Variants in SGPP2 observed in about 807,000 individuals in gnomAD.
SGPP2 encodes sphingosine 1-phosphate phosphohydrolase 2.
In SGPP2, 30 loss-of-function variants were observed where a neutral mutation model predicts 33.9. The ratio of observed to expected loss-of-function variants is 0.89; its 90% CI spans 0.66 to 1.20. SGPP2 has a LOEUF of 1.20. Among genes scored for constraint, SGPP2 ranks in the 50% most tolerant of loss-of-function variants. The pLI is 0.00. For missense variants in SGPP2, 458 were observed against 532.1 expected (o/e 0.86, Z 1.37); for synonymous variants, 233 against 225.0 (o/e 1.04, Z -0.32).
chr2:222,503,908 C>T (rs907505248), intron 2 of SGPP2: 3 of 152,076 alleles, frequency 2.0e-5, no homozygotes, highest in East Asian at 3.9e-4. Context: ...TAAGATAGAT[C>T]CCCCCAGTCA....
chr2:222,495,267 AG>A (rs1698262838), intron 2 of SGPP2, among the ~76,000 whole-genome samples: 1 of 152,036 alleles, frequency 6.6e-6, no homozygotes, highest in Non-Finnish European at 1.5e-5. Flanking sequence ...TTAAAAAATT[AG>A]TCAGGTGTGG....
At position 222,477,461 on chromosome 2, in the gene SGPP2, A is replaced by G. The variant is rs1197391828; in HGVS notation, c.378+2735A>G. Among the ~76,000 whole-genome samples the G allele has an allele frequency of 6.6e-6, 1 of 151,758 alleles. No homozygotes were observed. Among genetic ancestry groups the G allele is most frequent in the Non-Finnish European group, 1.5e-5 (1 of 67,880 alleles). Reference sequence around the variant, plus strand: ...TGAATGTATGTATATAGGTGTGTATATATGTGTATGCATGTGTGTATATAG... The same window carrying G: ...TGAATGTATGTATATAGGTGTGTATGTATGTGTATGCATGTGTGTATATAG... On this transcript the variant is annotated intron_variant, in intron 2 of 4. Transcript: ENST00000321276. This position sits in a 1 kb window ranked among gnomAD's most constrained non-coding sequence, Gnocchi z 6.0.
rs992320431 is a variant in SGPP2 at position 222,476,776 on chromosome 2, G to A, written c.378+2050G>A. On this transcript the variant is annotated intron_variant, in intron 2 of 4. Transcript: ENST00000321276. The surrounding 1 kb of genome is among the most constrained non-coding windows in gnomAD (Gnocchi z 4.3). Reference sequence around the variant, plus strand: ...TATGTATATAGGTGTGTATATATGCGTATGTGTGTATACAGGTGTGTGTAT... The same window carrying A: ...TATGTATATAGGTGTGTATATATGCATATGTGTGTATACAGGTGTGTGTAT... Among the ~76,000 whole-genome samples the A allele has an allele frequency of 1.1e-4, 17 of 151,712 alleles. No homozygotes were observed. Among genetic ancestry groups the A allele is most frequent in the African/African-American group, 3.1e-4 (13 of 41,270 alleles).
At chr2:222,557,484 G>A (rs1432825599) in intron 4 of SGPP2, among the ~76,000 whole-genome samples, 1 of 152,154 alleles carries the variant, frequency 6.6e-6, no homozygotes, top group Non-Finnish European at 1.5e-5. Flanking sequence ...GAAAAAGCAA[G>A]ACCAAGTCTT....
chr2:222,538,483 T>C (rs181173553), intron 4 of SGPP2, among the ~76,000 whole-genome samples: 79 of 152,328 alleles, frequency 5.2e-4, no homozygotes, highest in African/African-American at 1.6e-3. Flanking sequence ...TGTTGCATTT[T>C]ATACAGTGTT....
intron 1 of SGPP2, among the ~76,000 whole-genome samples, chr2:222,427,662 C>T (rs544481540): frequency 2.5e-4 from 38 of 152,124 alleles, no homozygotes; most frequent in Non-Finnish European, 4.7e-4. Context: ...AGCACCAGGA[C>T]GTTGATTTAG....
intron 1 of SGPP2, among the ~76,000 whole-genome samples, chr2:222,431,145 T>A (rs2106056138): frequency 6.6e-6 from 1 of 151,796 alleles, no homozygotes; most frequent in East Asian, 1.9e-4. Context: ...ATATGGGAAT[T>A]GTGTATTATC....
intron 1 of SGPP2, among the ~76,000 whole-genome samples, chr2:222,461,824 G>A (rs1697665100): frequency 6.6e-6 from 1 of 152,134 alleles, no homozygotes. Context: ...CCAGTCCATG[G>A]CCCAGGGGTT....
chr2:222,442,905 T>C (rs984811860), intron 1 of SGPP2, among the ~76,000 whole-genome samples: 1 of 152,302 alleles, frequency 6.6e-6, no homozygotes, highest in Middle Eastern at 3.4e-3. Flanking sequence ...CAGGAGTCAA[T>C]AGATCAGTCA....
At position 222,474,572 on chromosome 2, in the gene SGPP2, A is replaced by G. The variant is rs755066688; in HGVS notation, c.224A>G (p.Tyr75Cys). 3 of 1,613,454 alleles carry G rather than the reference A, an allele frequency of 1.9e-6. No homozygotes were observed. The South Asian group carries it at 3.3e-5, about 18-fold the overall frequency. ...GLRRAAAPEAYVQKYVVKNYF... is the reference protein window; with the variant it reads ...GLRRAAAPEACVQKYVVKNYF... Reference sequence around the variant, plus strand: ...CTTCTAACTTTTGTCTTTTAGGCTTATGTACAGAAGTACGTCGTGAAGAAT... The same window carrying G: ...CTTCTAACTTTTGTCTTTTAGGCTTGTGTACAGAAGTACGTCGTGAAGAAT... The change falls in exon 2 of 5, where the codon TAT (tyrosine) becomes TGT (cysteine). Residue 75 changes from tyrosine to cysteine, a missense_variant. Transcript: ENST00000321276.
At chr2:222,471,400 T>C (rs1426269231) in intron 1 of SGPP2, among the ~76,000 whole-genome samples, 1 of 151,470 alleles carries the variant, frequency 6.6e-6, no homozygotes, top group Non-Finnish European at 1.5e-5. Flanking sequence ...ACAGTTATGT[T>C]CTTGCAGTTT....
chr2:222,452,657 G>T, intron 1 of SGPP2: 2 of 1,379,858 alleles, frequency 1.4e-6, no homozygotes, highest in Non-Finnish European at 1.0e-6. Context: ...AGGAGTAGTT[G>T]CTCCAGGACT....
chr2:222,524,755 T>C (rs1698731886), intron 3 of SGPP2, among the ~76,000 whole-genome samples, 189 bp from the exon 4 acceptor site: 1 of 152,228 alleles, frequency 6.6e-6, no homozygotes, highest in South Asian at 2.1e-4. Flanking sequence ...TACCTGGGTA[T>C]CTTCCCCTTC....
At chr2:222,528,945 CGCATCAATTGACTCT>C (rs1698799626) in intron 4 of SGPP2, among the ~76,000 whole-genome samples, 1 of 152,106 alleles carries the variant, frequency 6.6e-6, no homozygotes, top group Non-Finnish European at 1.5e-5. Flanking sequence ...TGAAGTTTGC[CGCATCAATTGACTCT>C]TCCTTTTAGG....
chr2:222,502,508 G>A (rs1313323710), intron 2 of SGPP2, among the ~76,000 whole-genome samples: 1 of 152,170 alleles, frequency 6.6e-6, no homozygotes, highest in Non-Finnish European at 1.5e-5. Flanking sequence ...AATCTAAAAT[G>A]TGAAGAACTC....
At chr2:222,506,317 A>T (rs560830031) in intron 2 of SGPP2, among the ~76,000 whole-genome samples, 1 of 152,208 alleles carries the variant, frequency 6.6e-6, no homozygotes. Context: ...GACCCATTCA[A>T]AGTGCACTAG....
chr2:222,545,732 T>A (rs1016183936), intron 4 of SGPP2, among the ~76,000 whole-genome samples: 1 of 152,192 alleles, frequency 6.6e-6, no homozygotes, highest in Non-Finnish European at 1.5e-5. Context: ...AGAATTAATA[T>A]CTATCCTTCC....
rs114862232 is a variant in SGPP2, at chr2:222,550,904, G to A, written c.649-7443G>A. On this transcript the variant is annotated intron_variant, in intron 4 of 4. Coordinates refer to ENST00000321276, the MANE Select transcript of SGPP2 (RefSeq NM_152386.4). This position sits in a 1 kb window ranked among gnomAD's most constrained non-coding sequence, Gnocchi z 4.5. ...AAACTTCATGAGCAGCCTTATTATC[G>A]TCTCTGGTTATTTTCTTAGAATCAA... Among the ~76,000 whole-genome samples the A allele has an allele frequency of 2.9e-3, 440 of 152,228 alleles. No individual in the cohort carries two copies. Among genetic ancestry groups the A allele is most frequent in the African/African-American group, 0.01 (419 of 41,534 alleles).
At chr2:222,444,523 A>T (rs1697371685) in intron 1 of SGPP2, among the ~76,000 whole-genome samples, 2 of 152,222 alleles carry the variant, frequency 1.3e-5, no homozygotes, top group Non-Finnish European at 2.9e-5. Flanking sequence ...TCTGGGGTGG[A>T]TAAGCCTGCT....
Sources: allele counts gnomAD v4.1 joint callset (sites outside exome capture counted in the v4.1 genomes callset), GRCh38; gene constraint gnomAD v4.1.1; non-coding constraint Gnocchi (gnomAD v3.1); transcripts MANE v1.5; gene names NCBI Gene and HGNC (gene_info 2026-07-23, HGNC 2026-07-21).